OSBPL1A: variants seen among roughly 807,000 people sequenced by gnomAD.
OSBPL1A encodes oxysterol binding protein like 1A, also known as oxysterol-binding protein-related protein 1.
Under a neutral mutation model 137.1 loss-of-function variants are expected in OSBPL1A, and 80 were observed. The ratio of observed to expected loss-of-function variants is 0.58; its 90% CI spans 0.49 to 0.70. OSBPL1A has a LOEUF of 0.70. OSBPL1A is among the 30% of genes least tolerant of loss of function. The probability of loss-of-function intolerance (pLI) is 0.00; values close to 1 mark genes in which losing one functional copy is unlikely to be tolerated. For missense variants in OSBPL1A, 970 were observed against 1,129.4 expected (o/e 0.86, Z 2.02); for synonymous variants, 365 against 389.7 (o/e 0.94, Z 0.75).
rs376658319 is a variant in OSBPL1A, at chr18:24,366,690, A to G, written c.282+202T>C. Reference sequence around the variant, plus strand: ...TGATCTCCTCACAGGGATGCTACAGAGTGGGGGTCTCCATGACCTTAGTAC... The same window carrying G: ...TGATCTCCTCACAGGGATGCTACAGGGTGGGGGTCTCCATGACCTTAGTAC... On this transcript the variant is annotated intron_variant, in intron 4 of 27. Coordinates refer to ENST00000319481, the MANE Select transcript of OSBPL1A (RefSeq NM_080597.4). The G allele has an allele frequency of 9.2e-5, 39 of 422,946 alleles. No homozygotes were observed. The South Asian group carries it at 3.1e-3, about 34-fold the overall frequency. 26.2% of individuals were successfully genotyped at this position (422,946 alleles called of 1,614,324 possible). A position where few individuals can be genotyped will look rare whatever the true frequency, so the allele number is the denominator to read the frequency against.
Position 24,165,085 on chromosome 18 carries a change from TGACTTG to T in OSBPL1A, c.2724_2729del (p.Lys909_Ser910del). On this transcript the variant is annotated inframe_deletion, in exon 27 of 28. Coordinates refer to ENST00000319481, the MANE Select transcript of OSBPL1A (RefSeq NM_080597.4). Reference sequence around the variant, plus strand: ...CGCACCTCGTCTTCCAGTCCTCTTCTGACTTGGACCTGTTTTTGCGGGCTGCTCTTT... The same window carrying T: ...CGCACCTCGTCTTCCAGTCCTCTTCTGACCTGTTTTTGCGGGCTGCTCTTT... 1 of 1,614,204 alleles carries T rather than the reference TGACTTG, an allele frequency of 6.2e-7. No homozygotes were observed.
chr18:24,293,835 T>A (rs116587028), intron 14 of OSBPL1A, among the ~76,000 whole-genome samples: 1 of 152,042 alleles, frequency 6.6e-6, no homozygotes, highest in African/African-American at 2.4e-5. Flanking sequence ...GCAAAGGACC[T>A]CAATCCACTG....
chr18:24,369,308 T>C (rs937715901), intron 2 of OSBPL1A, among the ~76,000 whole-genome samples: 5 of 152,120 alleles, frequency 3.3e-5, no homozygotes, highest in African/African-American at 1.2e-4. Flanking sequence ...CAACTGAGTG[T>C]TGCAAAAACT....
At chr18:24,184,937 G>C (rs2086704136) in intron 18 of OSBPL1A, among the ~76,000 whole-genome samples, 1 of 152,138 alleles carries the variant, frequency 6.6e-6, no homozygotes, top group Non-Finnish European at 1.5e-5. Context: ...TAATGCATGC[G>C]GTTAACACAG....
intron 15 of OSBPL1A, among the ~76,000 whole-genome samples, chr18:24,249,809 G>A (rs1166989788): frequency 6.6e-6 from 1 of 152,128 alleles, no homozygotes; most frequent in Non-Finnish European, 1.5e-5. Context: ...GGGGTCCTAG[G>A]TAAATTTGAA....
chr18:24,367,228 T>TTATATATATATATATATATA (rs35876308), intron 3 of OSBPL1A, among the ~76,000 whole-genome samples: 127 of 147,138 alleles, frequency 8.6e-4, no homozygotes, highest in African/African-American at 2.7e-3. Flanking sequence ...AGACTCCATC[T>TTATATATATATATATATATA]TATATATATA....
Position 24,194,805 on chromosome 18 carries a change from T to G in OSBPL1A, c.1677+1320A>C, listed in dbSNP as rs184049633. On this transcript the variant is annotated intron_variant, in intron 18 of 27. Coordinates refer to ENST00000319481, the MANE Select transcript of OSBPL1A (RefSeq NM_080597.4). Reference sequence around the variant, plus strand: ...TGCTACTCACGTAGGAACTGCAACTTGCTTGGGGTCTCACAGCCAGGAAGC... The same window carrying G: ...TGCTACTCACGTAGGAACTGCAACTGGCTTGGGGTCTCACAGCCAGGAAGC... Among the ~76,000 whole-genome samples, 472 of 152,354 alleles carry G rather than the reference T, an allele frequency of 3.1e-3. 5 individuals are homozygous for G. The highest frequency in any genetic ancestry group is 0.022 in the Admixed American group (341 of 15,304).
rs2086059043 is a variant in OSBPL1A at position 24,163,176 on chromosome 18, A to T, written c.*3T>A. The T allele has an allele frequency of 1.3e-6, 2 of 1,596,502 alleles. No homozygotes were observed. The highest frequency in any genetic ancestry group is 1.7e-6 in the Non-Finnish European group (2 of 1,164,666). ...TAGCCAAACACCCTGACTTGTATGC[A>T]TTTTAATAAATGTCAGGCAAATTGA... On this transcript the variant is annotated 3_prime_UTR_variant, in exon 28 of 28. Coordinates refer to ENST00000319481, the MANE Select transcript of OSBPL1A (RefSeq NM_080597.4).
chr18:24,281,096 T>C, intron 14 of OSBPL1A, 148 bp from the exon 15 acceptor site: 3 of 539,264 alleles, frequency 5.6e-6, no homozygotes, highest in Non-Finnish European at 6.2e-6. Flanking sequence ...TCTTTTTTTT[T>C]GTTTTCTTGA....
At chr18:24,213,613 C>T (rs770752046) in intron 17 of OSBPL1A, among the ~76,000 whole-genome samples, 6 of 152,086 alleles carry the variant, frequency 3.9e-5, no homozygotes, top group Non-Finnish European at 8.8e-5. Flanking sequence ...TCTGATATTA[C>T]TATTTAATTT....
intron 13 of OSBPL1A, among the ~76,000 whole-genome samples, chr18:24,306,654 G>A (rs760143748): frequency 3.9e-5 from 6 of 152,104 alleles, no homozygotes; most frequent in Non-Finnish European, 7.4e-5. Flanking sequence ...GATGGAAGTG[G>A]AGGGTATTAT....
At chr18:24,366,821 A>G in intron 4 of OSBPL1A, 71 bp downstream of exon 4, 2 of 1,465,174 alleles carry the variant, frequency 1.4e-6, no homozygotes, top group Non-Finnish European at 9.4e-7. Flanking sequence ...GATGGTTATA[A>G]CAGAGAAAAC....
intron 1 of OSBPL1A, among the ~76,000 whole-genome samples, chr18:24,382,444 G>A (rs1021076720): frequency 6.6e-6 from 1 of 151,318 alleles, no homozygotes; most frequent in African/African-American, 2.4e-5. Context: ...GGGCATAGTG[G>A]TGTGAGCCTG....
At chr18:24,359,269 G>A (rs9967559) in intron 4 of OSBPL1A, among the ~76,000 whole-genome samples, 31,561 of 151,420 alleles carry the variant, frequency 0.21, 3,962 homozygotes, top group East Asian at 0.57. Context: ...GGTGGGGGGC[G>A]GGAAGAGGGG....
intron 14 of OSBPL1A, among the ~76,000 whole-genome samples, chr18:24,291,145 C>T (rs1028914619): frequency 5.9e-5 from 9 of 152,122 alleles, no homozygotes; most frequent in Non-Finnish European, 8.8e-5. Flanking sequence ...AAGTTACAAT[C>T]CATTGTGATG....
At position 24,265,480 on chromosome 18, in the gene OSBPL1A, GGAAAAA is replaced by G. The variant is rs111790234; in HGVS notation, c.1281+15356_1281+15361del. Among the ~76,000 whole-genome samples, 1,360 of 151,474 alleles carry G rather than the reference GGAAAAA, an allele frequency of 9.0e-3. 14 individuals are homozygous for G. Among genetic ancestry groups the G allele is most frequent in the African/African-American group, 0.029 (1,217 of 41,264 alleles). On this transcript the variant is annotated intron_variant, in intron 15 of 27. Coordinates refer to ENST00000319481, the MANE Select transcript of OSBPL1A (RefSeq NM_080597.4). ...GGGCGACAGAGTGATACTCCATCTT[GGAAAAA>G]GAAAAAGAAAAAGAAAAAGAAATTT...
intron 15 of OSBPL1A, among the ~76,000 whole-genome samples, chr18:24,263,469 A>G (rs2089489977): frequency 2.0e-5 from 3 of 152,220 alleles, no homozygotes; most frequent in Admixed American, 2.0e-4. Context: ...ACTAAAATAT[A>G]TAGTTAGGAT....
At position 24,321,526 on chromosome 18, in the gene OSBPL1A, C is replaced by T. The variant is rs996281841; in HGVS notation, c.626-2717G>A. 11 of 373,886 alleles carry T rather than the reference C, an allele frequency of 2.9e-5. No individual in the cohort carries two copies. In the East Asian group the frequency reaches 3.4e-4, roughly 12 times the overall value. The allele number at this position is 373,886 out of a possible 1,614,324, so 23.2% of individuals were successfully genotyped here. On this transcript the variant is annotated intron_variant, in intron 7 of 27. Transcript: ENST00000319481. ...TTAGTCTCAAATTCCTAGGCTCAAGCGATCTGCCAGCCTCAGCATCCCAGA... is the reference window on the plus strand; with the variant it reads ...TTAGTCTCAAATTCCTAGGCTCAAGTGATCTGCCAGCCTCAGCATCCCAGA...
At position 24,206,135 on chromosome 18, in the gene OSBPL1A, C is replaced by T. The variant is rs558127265; in HGVS notation, c.1602-9935G>A. Among the ~76,000 whole-genome samples the T allele has an allele frequency of 1.1e-4, 16 of 152,328 alleles. No homozygotes were observed. In the South Asian group the frequency reaches 2.5e-3, roughly 24 times the overall value. The stretch of plus-strand genomic sequence containing the variant: ...CGAACTCCTGACCTCAGATTGTCCT[C>T]GCACCTTGGCCTCCCAAAGTGCTGG... On this transcript the variant is annotated intron_variant, in intron 17 of 27. Coordinates refer to ENST00000319481, the MANE Select transcript of OSBPL1A (RefSeq NM_080597.4).
Sources: gnomAD v4.1 joint callset for allele counts (sites outside exome capture counted in the v4.1 genomes callset) on GRCh38, gnomAD v4.1.1 for gene constraint, MANE v1.5 for transcripts, NCBI Gene and HGNC (gene_info 2026-07-23, HGNC 2026-07-21) for gene names.